Variants in KRABD4 observed in about 807,000 individuals in gnomAD.
The protein encoded by KRABD4 is KRAB domain-containing protein 4.
chrX:46,472,701 T>C, the KRABD4 span: 1 of 1,178,317 alleles, frequency 8.5e-7, no homozygotes, highest in East Asian at 3.0e-5. Context: ...TCCATAACAT[T>C]CTAGTGGAAA....
chrX:46,451,107 G>A, the KRABD4 span, among the ~76,000 whole-genome samples: 3 of 111,496 alleles, frequency 2.7e-5, no homozygotes, highest in South Asian at 7.5e-4. Context: ...TTCACTTCTA[G>A]ATCACTTGGT....
At chrX:46,456,517 C>T in the KRABD4 span, 1 of 204,451 alleles carries the variant, frequency 4.9e-6, no homozygotes, top group East Asian at 1.1e-4. Context: ...GCTGCCATAT[C>T]TTCCAAGTGA....
the KRABD4 span, chrX:46,472,840 T>C: frequency 1.7e-6 from 2 of 1,211,653 alleles, no homozygotes; most frequent in Non-Finnish European, 2.2e-6. Flanking sequence ...AAGGAAACAC[T>C]GAAGGATGAA....
chrX:46,467,477 C>G, the KRABD4 span, among the ~76,000 whole-genome samples: 162 of 110,883 alleles, frequency 1.5e-3, no homozygotes, highest in African/African-American at 4.9e-3. Flanking sequence ...ATTGCTTGAA[C>G]CCAGGAGGTG....
At chrX:46,474,449 C>T in the KRABD4 span, 2 of 111,125 alleles carry the variant, frequency 1.8e-5, no homozygotes, top group South Asian at 7.6e-4. Flanking sequence ...CGCTAGGGAT[C>T]TTGGAACATA....
the KRABD4 span, among the ~76,000 whole-genome samples, chrX:46,465,543 G>A: frequency 8.9e-6 from 1 of 112,815 alleles, no homozygotes; most frequent in Admixed American, 9.4e-5. Context: ...CTAAAAGGGT[G>A]CCTGGCATAA....
chrX:46,454,204 C>A, the KRABD4 span: 1 of 168,678 alleles, frequency 5.9e-6, no homozygotes. Context: ...ACAGCAAAGC[C>A]ATCAGTGAAG....
At chrX:46,471,120 G>A in the KRABD4 span, 1 of 1,160,824 alleles carries the variant, frequency 8.6e-7, no homozygotes, top group Non-Finnish European at 1.2e-6. Flanking sequence ...AATAATTGTG[G>A]ATTTGTCTGT....
chrX:46,457,505 G>A, the KRABD4 span, among the ~76,000 whole-genome samples: 1 of 110,560 alleles, frequency 9.0e-6, no homozygotes, highest in African/African-American at 3.3e-5. Context: ...CATTTGAAAA[G>A]ATGTTTACTT....
the KRABD4 span, chrX:46,473,067 A>G: frequency 8.3e-7 from 1 of 1,205,499 alleles, no homozygotes; most frequent in East Asian, 3.0e-5. Context: ...ATAAAGCTCA[A>G]CCTGCAGAGA....
At chrX:46,470,065 G>GT in the KRABD4 span, among the ~76,000 whole-genome samples, 1 of 109,910 alleles carries the variant, frequency 9.1e-6, no homozygotes, top group Non-Finnish European at 1.9e-5. Context: ...CTTCTTTTTG[G>GT]TTTTTTGTTG....
chrX:46,460,666 T>A, the KRABD4 span, among the ~76,000 whole-genome samples: 1 of 90,309 alleles, frequency 1.1e-5, no homozygotes, highest in African/African-American at 6.0e-5. Context: ...CTGTCCCCCA[T>A]GCTGGAGAAC....
the KRABD4 span, chrX:46,455,215 A>G: frequency 9.1e-7 from 1 of 1,095,373 alleles, no homozygotes; most frequent in Non-Finnish European, 1.2e-6. Flanking sequence ...TTTAAATCCC[A>G]GCACAGATTT....
the KRABD4 span, among the ~76,000 whole-genome samples, chrX:46,465,485 G>A: frequency 1.8e-5 from 2 of 112,953 alleles, no homozygotes; most frequent in African/African-American, 6.4e-5. Flanking sequence ...TGGGGCTAAT[G>A]ATAAAACTGA....
At chrX:46,473,072 CAG>C in the KRABD4 span, 1 of 1,204,592 alleles carries the variant, frequency 8.3e-7, no homozygotes. Context: ...GCTCAACCTG[CAG>C]AGAGATTTTT....
At chrX:46,471,389 A>C in the KRABD4 span, among the ~76,000 whole-genome samples, 2 of 108,581 alleles carry the variant, frequency 1.8e-5, no homozygotes, top group African/African-American at 3.3e-5. Context: ...GTTTCCTTAT[A>C]CCTCTCTCTA....
chrX:46,467,384 GTC>G, the KRABD4 span, among the ~76,000 whole-genome samples: 1 of 110,415 alleles, frequency 9.1e-6, no homozygotes, highest in East Asian at 2.8e-4. Flanking sequence ...GTGAAACCCC[GTC>G]TCTACTAAAA....
At chrX:46,472,911 G>T in the KRABD4 span, 1 of 1,211,779 alleles carries the variant, frequency 8.3e-7, no homozygotes, top group African/African-American at 1.7e-5. Flanking sequence ...ATTTGATTCT[G>T]TAAGGCAAAG....
chrX:46,461,805 C>T, the KRABD4 span, among the ~76,000 whole-genome samples: 1 of 111,609 alleles, frequency 9.0e-6, no homozygotes. Flanking sequence ...TGTTGTAGCT[C>T]TGTGTCCCCT....
Sources: gnomAD v4.1 joint callset for allele counts (sites outside exome capture counted in the v4.1 genomes callset) on GRCh38, gnomAD v4.1.1 for gene constraint, MANE v1.5 for transcripts, NCBI Gene and HGNC (gene_info 2026-07-23, HGNC 2026-07-21) for gene names.